Variants in SHROOM2 observed in about 807,000 individuals in gnomAD.
The protein encoded by SHROOM2 is protein Shroom2.
In SHROOM2, 33 loss-of-function variants were observed where a neutral mutation model predicts 75.9. The ratio of observed to expected loss-of-function variants is 0.43; its 90% CI spans 0.33 to 0.58. The LOEUF is 0.58. SHROOM2 is among the 20% of genes least tolerant of loss of function. SHROOM2 has a pLI of 0.04. For synonymous variants in SHROOM2, 655 were observed against 663.6 expected (o/e 0.99, Z 0.20); for missense variants, 1,434 against 1,461.2 (o/e 0.98, Z 0.30).
chrX:9,831,396 C>T (rs1395641414), intron 1 of SHROOM2, among the ~76,000 whole-genome samples: 3 of 111,965 alleles, frequency 2.7e-5, no homozygotes, highest in Non-Finnish European at 3.8e-5. Context: ...CGGTGGCTCA[C>T]GCCTGTAATC....
Position 9,866,649 on chromosome X carries a change from C to T in SHROOM2, c.166-7003C>T, listed in dbSNP as rs935501378. ...GGGTCGTTGTCCTTGTCGTTTTATT[C>T]TTATTGCCAAATAAATTCATTTGTG... On this transcript the variant is annotated intron_variant, in intron 1 of 9. Coordinates refer to ENST00000380913, the MANE Select transcript of SHROOM2 (RefSeq NM_001649.4). Among the ~76,000 whole-genome samples, 6 of 111,119 alleles carry T rather than the reference C, an allele frequency of 5.4e-5. No homozygotes were observed. In the Admixed American group the frequency reaches 5.7e-4, roughly 11 times the overall value.
chrX:9,942,768 C>CTGA (rs375137667), intron 8 of SHROOM2, among the ~76,000 whole-genome samples: 1 of 111,051 alleles, frequency 9.0e-6, no homozygotes. Context: ...TTGGATAGGC[C>CTGA]TGATAGAAAT....
In SHROOM2 at chrX:9,895,728, C is replaced by T; in HGVS notation, c.1820C>T (p.Thr607Ile). 1 of 1,195,729 alleles carries T rather than the reference C, an allele frequency of 8.4e-7. No individual in the cohort carries two copies. Among genetic ancestry groups the T allele is most frequent in the Non-Finnish European group, 1.1e-6 (1 of 888,581 alleles). Residue 607 changes from threonine to isoleucine, a missense_variant, in exon 4 of 10, where the codon ACC becomes ATC. By Grantham distance (89) the Thr-to-Ile change is moderately conservative. Around this residue, in one of 3 missense-constraint regions of SHROOM2, gnomAD observed 1,340 missense variants for 1,338.3 expected, o/e 1.00. Transcript: ENST00000380913. ...GAGAGCAGTCCAGAGGACAGCGCCA[C>T]CAGACCGCCACCGTTCGACGCCCAC... ...RPESSPEDSA[T>I]RPPPFDAHVG...
chrX:9,907,815 C>T (rs1231169741), intron 5 of SHROOM2, among the ~76,000 whole-genome samples: 4 of 111,916 alleles, frequency 3.6e-5, no homozygotes, highest in Non-Finnish European at 7.5e-5. Flanking sequence ...CAGCCACATC[C>T]GTTTGCTCAC....
At chrX:9,942,796 T>C (rs2084783790) in intron 8 of SHROOM2, among the ~76,000 whole-genome samples, 1 of 110,862 alleles carries the variant, frequency 9.0e-6, no homozygotes, top group Non-Finnish European at 1.9e-5. Flanking sequence ...GAAATGTGAT[T>C]GGACAAAAAG....
chrX:9,914,577 A>T (rs2084469393), intron 5 of SHROOM2, among the ~76,000 whole-genome samples: 1 of 110,867 alleles, frequency 9.0e-6, no homozygotes, highest in South Asian at 3.8e-4. Context: ...CATTTCTGGA[A>T]GGCTTGTAGA....
At chrX:9,826,930 G>C (rs961623101) in intron 1 of SHROOM2, among the ~76,000 whole-genome samples, 1 of 112,463 alleles carries the variant, frequency 8.9e-6, no homozygotes, top group African/African-American at 3.2e-5. Context: ...TTGGGCCTCT[G>C]GTCAGCTTTT....
chrX:9,790,445 G>A (rs2083641511), intron 1 of SHROOM2, among the ~76,000 whole-genome samples: 1 of 111,585 alleles, frequency 9.0e-6, no homozygotes. Context: ...GGTCAGGAGC[G>A]GGTGACTCTC....
At chrX:9,819,037 C>T in intron 1 of SHROOM2, 1 of 1,109,609 alleles carries the variant, frequency 9.0e-7, no homozygotes. Flanking sequence ...TTTTCCTTTT[C>T]TTTCTTTCCT....
rs779338582 is a variant in SHROOM2, at chrX:9,911,787, A to C, written c.2891+13497A>C. Among the ~76,000 whole-genome samples, 12 of 111,783 alleles carry C rather than the reference A, an allele frequency of 1.1e-4. No individual in the cohort carries two copies. The South Asian group carries it at 4.6e-3, about 43-fold the overall frequency. ...TCCTAATGAGTGTGTAATCAACCCA[A>C]GAATATATGGACATAGAATAGGCTG... On this transcript the variant is annotated intron_variant, in intron 5 of 9. Coordinates refer to ENST00000380913, the MANE Select transcript of SHROOM2 (RefSeq NM_001649.4).
rs150556964 is a variant in SHROOM2, at chrX:9,932,493, C to T, written c.3210C>T (p.Arg1070=). The T allele has an allele frequency of 2.3e-3, 2,769 of 1,207,081 alleles. 2 individuals carry two copies. Among genetic ancestry groups the T allele is most frequent in the Non-Finnish European group, 2.8e-3 (2,520 of 893,550 alleles). The change falls in exon 6 of 10, where the codon CGC becomes CGT. Residue 1070 remains arginine, a synonymous_variant. Coordinates refer to ENST00000380913, the MANE Select transcript of SHROOM2 (RefSeq NM_001649.4). ...PAPQRPPPPK[R]EPRRYRATDG... is the part of the protein sequence containing the mutation. ...CACAGAGGCCACCGCCACCCAAGCG[C>T]GAGCCCAGGAGATACAGGGCCACAG...
chrX:9,944,871 T>C lies in SHROOM2; in HGVS notation c.4542T>C (p.Asn1514=), dbSNP rs761513974. ...CAGGCCGCCTGGCCCGGGTGGAGAA[T>C]GCCCTCAATAATTTGGACGACGGCG... ...SLSGRLARVE[N]ALNNLDDGAS... Residue 1514 remains asparagine (N), a synonymous_variant, in exon 9 of 10, where the codon AAT becomes AAC. Transcript: ENST00000380913. 2.5e-6 allele frequency: 3 copies of C among 1,210,290 alleles called. No individual in the cohort carries two copies. Among genetic ancestry groups the C allele is most frequent in the Non-Finnish European group, 3.4e-6 (3 of 894,683 alleles).
chrX:9,937,767 C>T lies in SHROOM2; in HGVS notation c.4139+82C>T, dbSNP rs753443293. On this transcript the variant is annotated intron_variant, in intron 7 of 9. Transcript: ENST00000380913. ...TGTAAAGGGAAGGGGGTCTGCCTCT[C>T]TGTTTTCATGCGTGCTTTTGGGGAA... 22 of 848,481 alleles carry T rather than the reference C, an allele frequency of 2.6e-5. 1 individual carries two copies. The highest frequency in any genetic ancestry group is 3.2e-5 in the Non-Finnish European group (20 of 616,696). The allele number at this position is 848,481 out of a possible 1,213,427, so 69.9% of individuals were successfully genotyped here. A position where few individuals can be genotyped will look rare whatever the true frequency, so the allele number is the denominator to read the frequency against.
chrX:9,833,662 A>G (rs2083928690), intron 1 of SHROOM2, among the ~76,000 whole-genome samples: 1 of 104,206 alleles, frequency 9.6e-6, no homozygotes, highest in Non-Finnish European at 1.9e-5. Flanking sequence ...ACGTGCACAC[A>G]TGATAACAGA....
At chrX:9,876,203 G>A (rs2084200066) in intron 2 of SHROOM2, among the ~76,000 whole-genome samples, 1 of 111,859 alleles carries the variant, frequency 8.9e-6, no homozygotes, top group Admixed American at 9.5e-5. Flanking sequence ...GAGATATAAA[G>A]CAGCGGAGTT....
In SHROOM2 at chrX:9,937,292, C is replaced by A. The variant is rs768961119; in HGVS notation, c.3746C>A (p.Thr1249Lys). 3 of 1,208,752 alleles carry A rather than the reference C, an allele frequency of 2.5e-6. No individual in the cohort carries two copies. Among genetic ancestry groups the A allele is most frequent in the African/African-American group, 3.5e-5 (2 of 57,218 alleles). The change falls in exon 7 of 10, where the codon ACG (threonine) becomes AAG (lysine). Residue 1249 changes from threonine to lysine, a missense_variant. By Grantham distance (78) the Thr-to-Lys change is moderately conservative (BLOSUM62 -1). This residue lies in a region of SHROOM2 where 1,340 missense variants were observed against 1,338.3 expected (regional missense o/e 1.00). Coordinates refer to ENST00000380913, the MANE Select transcript of SHROOM2 (RefSeq NM_001649.4). ...PHGLEKDQIK[T>K]LSTSEQFYSR... ...GGGCTGGAGAAAGACCAGATCAAGA[C>A]GCTGAGCACATCTGAGCAGTTCTAC...
At position 9,819,177 on chromosome X, in the gene SHROOM2, T is replaced by C; in HGVS notation, c.165+32467T>C. ...TATTGTTTGCTGCTTTGGCTTGACA[T>C]GCATATCTGTTTCAGGATTCTCACA... On this transcript the variant is annotated intron_variant, in intron 1 of 9. Coordinates refer to ENST00000380913, the MANE Select transcript of SHROOM2 (RefSeq NM_001649.4). 8.9e-6 allele frequency: 10 copies of C among 1,119,971 alleles called. No individual in the cohort carries two copies. In the South Asian group the frequency reaches 1.9e-4, roughly 21 times the overall value. 92.3% of individuals were successfully genotyped at this position (1,119,971 alleles called of 1,213,427 possible).
At chrX:9,920,085 A>AC (rs373210487) in intron 5 of SHROOM2, among the ~76,000 whole-genome samples, 4 of 65,916 alleles carry the variant, frequency 6.1e-5, no homozygotes, top group African/African-American at 2.5e-4. Context: ...ACTACGGTTC[A>AC]TCAGACAGAC....
chrX:9,895,893 G>A lies in SHROOM2; in HGVS notation c.1985G>A (p.Arg662His), dbSNP rs373360048. 4.6e-4 allele frequency: 549 copies of A among 1,199,021 alleles called. 1 individual carries two copies. The highest frequency in any genetic ancestry group is 2.4e-3 in the South Asian group (130 of 54,796). Reference protein sequence around the residue: ...AAGEAEDGTGRWRAGLGGGTQ... With the variant: ...AAGEAEDGTGHWRAGLGGGTQ... Reference sequence around the variant, plus strand: ...GGGGAGGCGGAGGATGGCACCGGCCGCTGGAGGGCCGGGTTGGGAGGTGGC... The same window carrying A: ...GGGGAGGCGGAGGATGGCACCGGCCACTGGAGGGCCGGGTTGGGAGGTGGC... The change falls in exon 4 of 10, where the codon CGC becomes CAC. Residue 662 changes from arginine (R) to histidine (H), a missense_variant. Transcript: ENST00000380913.
Sources: gnomAD v4.1 joint callset for allele counts (sites outside exome capture counted in the v4.1 genomes callset) on GRCh38, gnomAD v4.1.1 for gene constraint, gnomAD v4.1.1 regional missense constraint, MANE v1.5 for transcripts, NCBI Gene and HGNC (gene_info 2026-07-23, HGNC 2026-07-21) for gene names.